The following MSN variants were observed in gnomAD, a reference collection of about 807,000 sequenced individuals.
The protein encoded by MSN is epididymis luminal protein 70.
MSN carries 2 observed loss-of-function variants against 48.0 expected under a neutral mutation model. The ratio of observed to expected loss-of-function variants is 0.04; its 90% CI spans 0.02 to 0.13. MSN has a LOEUF of 0.13. Ranked by LOEUF, MSN falls within the 10% of genes least tolerant of loss-of-function variation. The pLI is 1.00. For missense variants in MSN, 267 were observed against 470.1 expected, an observed-to-expected ratio of 0.57 and a Z score of 3.99; for synonymous variants, 146 against 166.9, an observed-to-expected ratio of 0.87 and a Z score of 0.97.
chrX:65,597,103 G>A (rs2070193139), intron 1 of MSN, among the ~76,000 whole-genome samples: 1 of 111,540 alleles, frequency 9.0e-6, no homozygotes, highest in Non-Finnish European at 1.9e-5. Context: ...AGGCTACAGT[G>A]CAGAACTTGG....
intron 1 of MSN, among the ~76,000 whole-genome samples, chrX:65,660,314 C>T (rs1286796703): frequency 8.9e-6 from 1 of 111,926 alleles, no homozygotes. Flanking sequence ...AGAAATGCTA[C>T]TGATTTTTGT....
intron 1 of MSN, among the ~76,000 whole-genome samples, chrX:65,649,575 C>CA (rs1232547930): frequency 3.5e-3 from 277 of 78,094 alleles, no homozygotes; most frequent in Middle Eastern, 0.022. Context: ...GACTCTATCT[C>CA]AAAAAAAAAA....
At chrX:65,628,702 T>C (rs1254665237) in intron 1 of MSN, among the ~76,000 whole-genome samples, 1 of 111,211 alleles carries the variant, frequency 9.0e-6, no homozygotes, top group Non-Finnish European at 1.9e-5. Context: ...TTAAAAAAAA[T>C]GTTTTTTTTT....
At chrX:65,697,716 G>C (rs1176348790) in intron 1 of MSN, among the ~76,000 whole-genome samples, 1 of 112,378 alleles carries the variant, frequency 8.9e-6, no homozygotes, top group Non-Finnish European at 1.9e-5. Flanking sequence ...TTGTATTTTT[G>C]CATTTCCTGG....
chrX:65,610,328 G>A (rs2070310810), intron 1 of MSN, among the ~76,000 whole-genome samples: 2 of 112,151 alleles, frequency 1.8e-5, no homozygotes, highest in Admixed American at 1.9e-4. Context: ...TGCCCATTTT[G>A]AATATTTCAT....
chrX:65,738,682 C>G (rs2071705236), intron 11 of MSN, 65 bp downstream of exon 11: 1 of 1,008,305 alleles, frequency 9.9e-7, no homozygotes, highest in Non-Finnish European at 1.4e-6. Flanking sequence ...GTAACAGCTC[C>G]TTAGATTCCT....
chrX:65,645,489 T>G (rs770088680), intron 1 of MSN, among the ~76,000 whole-genome samples: 34 of 106,533 alleles, frequency 3.2e-4, no homozygotes, highest in East Asian at 2.8e-3. Context: ...AGGGAGTTTC[T>G]GTAGGCGGGG....
intron 1 of MSN, among the ~76,000 whole-genome samples, chrX:65,688,330 G>A (rs1236962644): frequency 3.6e-5 from 4 of 111,589 alleles, no homozygotes; most frequent in African/African-American, 6.5e-5. Context: ...CGCCCACTTC[G>A]GCCTCTCAAA....
At chrX:65,644,024 A>C (rs1201469868) in intron 1 of MSN, among the ~76,000 whole-genome samples, 1 of 111,850 alleles carries the variant, frequency 8.9e-6, no homozygotes, top group Non-Finnish European at 1.9e-5. Flanking sequence ...TCTCTCCCTC[A>C]GTTTTCTCTT....
chrX:65,652,150 G>A (rs964115385), intron 1 of MSN, among the ~76,000 whole-genome samples: 5 of 109,940 alleles, frequency 4.5e-5, no homozygotes, highest in African/African-American at 1.7e-4. Context: ...ATGACCCTTG[G>A]GATGTGCTGT....
At chrX:65,672,200 A>T in intron 1 of MSN, among the ~76,000 whole-genome samples, 1 of 112,265 alleles carries the variant, frequency 8.9e-6, no homozygotes, top group East Asian at 2.8e-4. Context: ...ATATCTGGCT[A>T]CCAACACTAC....
chrX:65,655,147 G>A (rs1265316342), intron 1 of MSN, among the ~76,000 whole-genome samples: 2 of 111,393 alleles, frequency 1.8e-5, no homozygotes, highest in Non-Finnish European at 3.8e-5. Flanking sequence ...AAGTCAGATA[G>A]TTGAATGAAT....
chrX:65,662,389 T>C (rs935041691), intron 1 of MSN, among the ~76,000 whole-genome samples: 5 of 111,758 alleles, frequency 4.5e-5, no homozygotes, highest in African/African-American at 1.3e-4. Context: ...AACTATACTA[T>C]AAAGCTATCA....
chrX:65,712,611 C>G (rs2147496049), intron 1 of MSN, among the ~76,000 whole-genome samples: 1 of 107,493 alleles, frequency 9.3e-6, no homozygotes, highest in African/African-American at 3.4e-5. Context: ...ACCCCAAAAC[C>G]AAGCCTGACT....
chrX:65,608,581 C>T lies in MSN; in HGVS notation c.-22+19969C>T, dbSNP rs12012449. Among the ~76,000 whole-genome samples the T allele has an allele frequency of 1.9e-3, 213 of 110,251 alleles. 1 individual carries two copies. The highest frequency in any genetic ancestry group is 6.5e-3 in the African/African-American group (195 of 30,231). ...CAGGATATAGGCAGGCAGTGTGTAT[C>T]GGGGAGATTTTATATGTGAGACATG... On this transcript the variant is annotated intron_variant, in intron 1 of 3. Coordinates refer to the MSN transcript ENST00000609672.
At chrX:65,706,565 GTGCTT>G (rs770037224) in intron 1 of MSN, among the ~76,000 whole-genome samples, 4 of 112,205 alleles carry the variant, frequency 3.6e-5, no homozygotes, top group Admixed American at 1.9e-4. Context: ...TTCCCAAGCA[GTGCTT>G]CCCAGATGTG....
At chrX:65,724,765 C>G (rs765790168) in intron 2 of MSN, among the ~76,000 whole-genome samples, 1 of 111,450 alleles carries the variant, frequency 9.0e-6, no homozygotes, top group African/African-American at 3.3e-5. Context: ...CAGCTCACTG[C>G]ATCCTCCACC....
intron 1 of MSN, among the ~76,000 whole-genome samples, chrX:65,702,842 C>A (rs746710217): frequency 9.0e-6 from 1 of 111,663 alleles, no homozygotes; most frequent in South Asian, 3.8e-4. Context: ...ATCAGGCAGC[C>A]TTTGAAAATA....
intron 1 of MSN, among the ~76,000 whole-genome samples, chrX:65,658,402 T>C (rs1251235143): frequency 1.8e-5 from 2 of 111,862 alleles, no homozygotes; most frequent in Non-Finnish European, 3.8e-5. Flanking sequence ...TGAATGAAGC[T>C]AGAACAGCAA....
Sources: allele counts gnomAD v4.1 joint callset (sites outside exome capture counted in the v4.1 genomes callset), GRCh38; gene constraint gnomAD v4.1.1; transcripts MANE v1.5; gene names NCBI Gene and HGNC (gene_info 2026-07-23, HGNC 2026-07-21).